RAP1GAP2: variants seen among roughly 807,000 people sequenced by gnomAD.
RAP1GAP2 encodes rap1 GTPase-activating protein 2.
RAP1GAP2 carries 27 observed loss-of-function variants against 95.0 expected under a neutral mutation model. The observed-to-expected ratio is 0.28, with a 90% CI of 0.21 to 0.39. RAP1GAP2 has a LOEUF of 0.39. Ranked by LOEUF, RAP1GAP2 falls within the 10% of genes least tolerant of loss-of-function variation. The pLI, the probability that RAP1GAP2 is intolerant of heterozygous loss-of-function variation, is 1.00. For synonymous variants in RAP1GAP2, 373 were observed against 380.9 expected (o/e 0.98, Z 0.24); for missense variants, 771 against 970.0 (o/e 0.79, Z 2.72).
intron 2 of RAP1GAP2, among the ~76,000 whole-genome samples, chr17:2,808,925 A>G (rs749114668): frequency 6.6e-6 from 1 of 151,938 alleles, no homozygotes; most frequent in Non-Finnish European, 1.5e-5. Context: ...GCGAGTTCCT[A>G]TGGTAACCAT....
chr17:2,911,260 A>AT (rs34227127), intron 3 of RAP1GAP2, among the ~76,000 whole-genome samples: 3,589 of 131,986 alleles, frequency 0.027, 214 homozygotes, highest in African/African-American at 0.098. Context: ...TTTGAAGGGG[A>AT]TTTTTTTTTT....
chr17:2,755,732 G>T, exon 1 of RAP1GAP2: 1 of 343,070 alleles, frequency 2.9e-6, no homozygotes, highest in South Asian at 1.4e-4. Context: ...CGGGCCGCCG[G>T]GCGCCGGGGG....
At chr17:3,021,273 C>G (rs2046947178) in intron 19 of RAP1GAP2, among the ~76,000 whole-genome samples, 1 of 152,020 alleles carries the variant, frequency 6.6e-6, no homozygotes, top group Non-Finnish European at 1.5e-5. Flanking sequence ...GATCTTATTT[C>G]TTCTATCTAA....
In RAP1GAP2 at chr17:3,020,444, C is replaced by G. The variant is rs371212284; in HGVS notation, c.1633-33C>G. Reference sequence around the variant, plus strand: ...GGGGATAGGAGATCGGTGTTTGGGCCGGGAGCACTCATTTTGGCAATTTCA... The same window carrying G: ...GGGGATAGGAGATCGGTGTTTGGGCGGGGAGCACTCATTTTGGCAATTTCA... On this transcript the variant is annotated intron_variant, in intron 18 of 24. Transcript: ENST00000254695. The G allele has an allele frequency of 2.5e-5, 39 of 1,565,482 alleles. No individual in the cohort carries two copies. The South Asian group carries it at 4.2e-4, about 17-fold the overall frequency.
chr17:2,830,393 G>C (rs890518281), intron 2 of RAP1GAP2, among the ~76,000 whole-genome samples: 1 of 151,734 alleles, frequency 6.6e-6, no homozygotes, highest in African/African-American at 2.4e-5. Context: ...CTCCAGTCTG[G>C]GCGACAGAGG....
chr17:2,965,362 C>CT lies in RAP1GAP2; in HGVS notation c.493-177dup. Reference sequence around the variant, plus strand: ...GGGTATTAAGCCCCTGGCACGGTGCCTGGCGCCTCCTGAGGATCCGGCCGT... The same window carrying CT: ...GGGTATTAAGCCCCTGGCACGGTGCCTTGGCGCCTCCTGAGGATCCGGCCGT... On this transcript the variant is annotated intron_variant, in intron 7 of 24. Coordinates refer to ENST00000254695, the MANE Select transcript of RAP1GAP2 (RefSeq NM_015085.5). The surrounding 1 kb of genome is among the most constrained non-coding windows in gnomAD (Gnocchi z 4.7). 1.6e-6 allele frequency: 1 copy of CT among 606,424 alleles called. No individual in the cohort carries two copies. Among genetic ancestry groups the CT allele is most frequent in the Non-Finnish European group, 2.9e-6 (1 of 340,548 alleles). 37.6% of individuals were successfully genotyped at this position (606,424 alleles called of 1,614,324 possible).
intron 3 of RAP1GAP2, among the ~76,000 whole-genome samples, chr17:2,944,161 C>CAAAAAAAAAAAAAAAA (rs36063732): frequency 1.2e-5 from 1 of 81,794 alleles, no homozygotes; most frequent in Admixed American, 1.5e-4. Flanking sequence ...ACAGCAAAAC[C>CAAAAAAAAAAAAAAAA]AAAAAAAAAA....
chr17:3,032,413 T>A lies in RAP1GAP2; in HGVS notation c.2187T>A (p.Gly729=). Residue 729 remains glycine, a splice_region_variant and synonymous_variant, in exon 24 of 25, where the codon GGT becomes GGA. Transcript: ENST00000254695. ...TGTATGGATTTTTGTTGAAACAGGG[T>A]CACTAATGTGAAAGTGGAGTCCTTC... ...DKLSHASSGA[G]H is the part of the protein sequence containing the mutation. The A allele has an allele frequency of 6.2e-7, 1 of 1,613,902 alleles. No homozygotes were observed. The highest frequency in any genetic ancestry group is 1.1e-5 in the South Asian group (1 of 91,084).
chr17:2,891,809 C>CTTTTTTTTTTTT (rs1488865061), intron 2 of RAP1GAP2, among the ~76,000 whole-genome samples: 1 of 58,028 alleles, frequency 1.7e-5, no homozygotes, highest in African/African-American at 5.7e-5. Flanking sequence ...ATTCATATTT[C>CTTTTTTTTTTTT]TTTTCTTTTT....
intron 3 of RAP1GAP2, among the ~76,000 whole-genome samples, chr17:2,920,260 C>A (rs1218471191): frequency 6.6e-6 from 1 of 152,216 alleles, no homozygotes; most frequent in Non-Finnish European, 1.5e-5. Context: ...GTGCTCTCCT[C>A]CTCTTTCTGC....
intron 3 of RAP1GAP2, among the ~76,000 whole-genome samples, chr17:2,955,399 TAC>T: frequency 6.6e-6 from 1 of 152,344 alleles, no homozygotes; most frequent in South Asian, 2.1e-4. Context: ...TCTTTTCATG[TAC>T]TTATTGTTCC....
intron 8 of RAP1GAP2, among the ~76,000 whole-genome samples, chr17:2,978,895 A>G (rs1949666549): frequency 6.6e-6 from 1 of 152,044 alleles, no homozygotes; most frequent in Admixed American, 6.6e-5. Context: ...AGATCACGCC[A>G]TTGCACTCCA....
chr17:2,980,969 C>T (rs1326617575), intron 9 of RAP1GAP2, among the ~76,000 whole-genome samples: 5 of 152,134 alleles, frequency 3.3e-5, no homozygotes, highest in South Asian at 2.1e-4. Flanking sequence ...AGAACGGTGA[C>T]GAGCCTCAGG....
Position 2,867,952 on chromosome 17 carries a change from A to G in RAP1GAP2, c.81-37332A>G, listed in dbSNP as rs144741780. Reference sequence around the variant, plus strand: ...CTCGCGGGATCCCCAAGCCTTTGGTAGTAAACACACTTCCTGGGCTGTCTT... The same window carrying G: ...CTCGCGGGATCCCCAAGCCTTTGGTGGTAAACACACTTCCTGGGCTGTCTT... On this transcript the variant is annotated intron_variant, in intron 2 of 24. Coordinates refer to ENST00000254695, the MANE Select transcript of RAP1GAP2 (RefSeq NM_015085.5). The surrounding 1 kb of genome is among the most constrained non-coding windows in gnomAD (Gnocchi z 4.5). Among the ~76,000 whole-genome samples, 204 of 152,266 alleles carry G rather than the reference A, an allele frequency of 1.3e-3. 1 individual carries two copies. The highest frequency in any genetic ancestry group is 3.8e-3 in the African/African-American group (156 of 41,560).
intron 2 of RAP1GAP2, among the ~76,000 whole-genome samples, chr17:2,771,479 C>T (rs1165009314): frequency 7.6e-6 from 1 of 131,784 alleles, no homozygotes; most frequent in Non-Finnish European, 1.6e-5. Context: ...ATCAAAGCCA[C>T]TTTTTTGTTT....
At chr17:2,912,925 C>A (rs1263848477) in intron 3 of RAP1GAP2, among the ~76,000 whole-genome samples, 2 of 152,162 alleles carry the variant, frequency 1.3e-5, no homozygotes, top group Non-Finnish European at 2.9e-5. Context: ...TGCCTGAAAT[C>A]CCAGCATTTT....
chr17:2,854,190 G>C, intron 2 of RAP1GAP2: 1 of 971,846 alleles, frequency 1.0e-6, no homozygotes, highest in Non-Finnish European at 1.2e-6. Flanking sequence ...TGGGTGTTTG[G>C]TTCCGTGTTG....
chr17:2,816,636 T>TTCCCA (rs1567674547), intron 2 of RAP1GAP2, among the ~76,000 whole-genome samples: 4 of 130,276 alleles, frequency 3.1e-5, no homozygotes, highest in South Asian at 4.7e-4. Context: ...TTTAAAAAAC[T>TTCCCA]GTGTTAAAAT....
In RAP1GAP2 at chr17:2,842,899, T is replaced by C. The variant is rs78327635; in HGVS notation, c.80+42349T>C. Reference sequence around the variant, plus strand: ...GAAGCTGAGGCTCCAGAACATGGAATCCTCCTTCTTTTCTCTCTCTTCCTC... The same window carrying C: ...GAAGCTGAGGCTCCAGAACATGGAACCCTCCTTCTTTTCTCTCTCTTCCTC... On this transcript the variant is annotated intron_variant, in intron 2 of 24. Transcript: ENST00000254695. Among the ~76,000 whole-genome samples, 653 of 152,270 alleles carry C rather than the reference T, an allele frequency of 4.3e-3. 3 individuals are homozygous for C. Among genetic ancestry groups the C allele is most frequent in the African/African-American group, 0.015 (622 of 41,558 alleles).
Sources: gnomAD v4.1 joint callset for allele counts (sites outside exome capture counted in the v4.1 genomes callset) on GRCh38, gnomAD v4.1.1 for gene constraint, Gnocchi (gnomAD v3.1) non-coding constraint, MANE v1.5 for transcripts, NCBI Gene and HGNC (gene_info 2026-07-23, HGNC 2026-07-21) for gene names.